The following TMEM248 variants were observed in gnomAD, a reference collection of about 807,000 sequenced individuals.
The protein encoded by TMEM248 is transmembrane protein 248.
A neutral mutation model predicts 30.3 loss-of-function variants in TMEM248; 9 were observed. That is an observed-to-expected ratio of 0.30 (90% confidence interval 0.18 to 0.52). TMEM248 has a LOEUF of 0.52. Ranked by LOEUF, TMEM248 falls within the 20% of genes least tolerant of loss-of-function variation. The probability of loss-of-function intolerance (pLI) is 0.97; values close to 1 mark genes in which losing one functional copy is unlikely to be tolerated. For missense variants in TMEM248, 338 were observed against 403.3 expected (o/e 0.84, Z 1.39); for synonymous variants, 184 against 154.4 (o/e 1.19, Z -1.42).
intron 1 of TMEM248, among the ~76,000 whole-genome samples, chr7:66,933,959 C>A (rs974033118): frequency 6.7e-6 from 1 of 150,072 alleles, no homozygotes; most frequent in Non-Finnish European, 1.5e-5. Context: ...TCTTTTATCT[C>A]TTTTTCTTTT....
At chr7:66,944,091 G>A (rs1792034036) in intron 2 of TMEM248, among the ~76,000 whole-genome samples, 2 of 147,584 alleles carry the variant, frequency 1.4e-5, no homozygotes, top group Admixed American at 1.4e-4. Context: ...TACCGTACCT[G>A]GCCTCAGATG....
At position 66,943,888 on chromosome 7, in the gene TMEM248, C is replaced by G. The variant is rs537844240; in HGVS notation, c.160-1088C>G. On this transcript the variant is annotated intron_variant, in intron 2 of 6. Transcript: ENST00000341567. ...TCTTGGCTCACTTCAGCCTCTGCCC[C>G]CCTTCAAACGATTTTCGTGCCTCAG... Among the ~76,000 whole-genome samples the G allele has an allele frequency of 3.9e-5, 6 of 151,932 alleles. No individual in the cohort carries two copies. In the East Asian group the frequency reaches 9.7e-4, roughly 25 times the overall value.
chr7:66,937,138 A>G (rs1791827314), intron 1 of TMEM248, among the ~76,000 whole-genome samples: 1 of 152,120 alleles, frequency 6.6e-6, no homozygotes, highest in Admixed American at 6.5e-5. Context: ...GTTTCAAGAC[A>G]CTTTTTAATT....
chr7:66,953,019 A>C (rs181547035), intron 5 of TMEM248, among the ~76,000 whole-genome samples: 1 of 152,178 alleles, frequency 6.6e-6, no homozygotes, highest in African/African-American at 2.4e-5. Context: ...GTGCTCTCCA[A>C]CAGAGGCTCG....
intron 1 of TMEM248, among the ~76,000 whole-genome samples, chr7:66,923,349 T>G (rs545982768): frequency 6.6e-6 from 1 of 152,056 alleles, no homozygotes; most frequent in South Asian, 2.1e-4. Context: ...TTTCATGTTG[T>G]TGGCCAGGCC....
chr7:66,955,596 G>T lies in TMEM248; in HGVS notation c.*74G>T. 1 of 1,572,936 alleles carries T rather than the reference G, an allele frequency of 6.4e-7. No homozygotes were observed. On this transcript the variant is annotated 3_prime_UTR_variant, in exon 7 of 7. Coordinates refer to ENST00000341567, the MANE Select transcript of TMEM248 (RefSeq NM_017994.5). Reference sequence around the variant, plus strand: ...TGCCTGCTGAACCCAGCCTGGGCCTGGATGCTCTGTGAATACATTATCTTG... The same window carrying T: ...TGCCTGCTGAACCCAGCCTGGGCCTTGATGCTCTGTGAATACATTATCTTG...
chr7:66,941,803 C>A (rs1297585035), intron 1 of TMEM248, 45 bp from the exon 2 acceptor site: 2 of 1,527,536 alleles, frequency 1.3e-6, no homozygotes, highest in Non-Finnish European at 1.8e-6. Context: ...CATAGCTTTC[C>A]TGTTGGCAAG....
intron 1 of TMEM248, among the ~76,000 whole-genome samples, chr7:66,937,640 C>G (rs1434499779): frequency 6.6e-6 from 1 of 152,188 alleles, no homozygotes; most frequent in Non-Finnish European, 1.5e-5. Flanking sequence ...TCTATTTAGT[C>G]TGATTAAATA....
intron 1 of TMEM248, among the ~76,000 whole-genome samples, chr7:66,939,185 A>G (rs145610689): frequency 7.0e-4 from 106 of 152,352 alleles, no homozygotes; most frequent in African/African-American, 2.5e-3. Context: ...GGGGAAGTGT[A>G]AACTGGTTGA....
chr7:66,953,801 T>A (rs1169990840), intron 6 of TMEM248, among the ~76,000 whole-genome samples: 2 of 152,082 alleles, frequency 1.3e-5, no homozygotes. Flanking sequence ...AGACCGGGTC[T>A]CACCATGTTG....
chr7:66,940,458 T>C (rs926514925), intron 1 of TMEM248, among the ~76,000 whole-genome samples: 2 of 152,232 alleles, frequency 1.3e-5, no homozygotes, highest in African/African-American at 4.8e-5. Flanking sequence ...TGGAAAGGTC[T>C]GCAAGGCTCT....
At chr7:66,945,350 T>G in intron 3 of TMEM248, 89 bp downstream of exon 3, 1 of 1,380,686 alleles carries the variant, frequency 7.2e-7, no homozygotes, top group African/African-American at 1.4e-5. Context: ...CTGACTATAT[T>G]GTACTAGATT....
In TMEM248 at chr7:66,955,814, TC is replaced by T. The variant is rs1792388370; in HGVS notation, c.*294del. The T allele has an allele frequency of 1.5e-5, 6 of 409,462 alleles. No homozygotes were observed. In the East Asian group the frequency reaches 2.5e-4, roughly 17 times the overall value. 25.4% of individuals were successfully genotyped at this position (409,462 alleles called of 1,614,324 possible). A position where few individuals can be genotyped will look rare whatever the true frequency, so the allele number is the denominator to read the frequency against. ...TTTCCACGTGTCTCTAGAGAAGGAT[TC>T]CTGGATCTAGCTGGTCACGACGATG... On this transcript the variant is annotated 3_prime_UTR_variant, in exon 7 of 7. Coordinates refer to ENST00000341567, the MANE Select transcript of TMEM248 (RefSeq NM_017994.5).
rs1267545249 is a variant in TMEM248, at chr7:66,945,110, C to A, written c.294C>A (p.Thr98=). 1 of 1,614,248 alleles carries A rather than the reference C, an allele frequency of 6.2e-7. No homozygotes were observed. Among genetic ancestry groups the A allele is most frequent in the East Asian group, 2.2e-5 (1 of 44,890 alleles). ...CCAGCGGGCAGGCCCGAGCTTCCACCCAGTCCCCCCAGGCCCTGGAGGACT... is the reference window on the plus strand; with the variant it reads ...CCAGCGGGCAGGCCCGAGCTTCCACACAGTCCCCCCAGGCCCTGGAGGACT... The part of the protein sequence containing the change: ...TMTSGQARAS[T]QSPQALEDSG... Residue 98 remains threonine (T), a synonymous_variant, in exon 3 of 7, where the codon ACC becomes ACA. Transcript: ENST00000341567.
At chr7:66,952,140 A>C (rs1792283410) in intron 5 of TMEM248, among the ~76,000 whole-genome samples, 1 of 150,908 alleles carries the variant, frequency 6.6e-6, no homozygotes, top group Non-Finnish European at 1.5e-5. Context: ...CCCAGGCTGG[A>C]GTGCAGTGGC....
At chr7:66,946,652 C>T (rs1009904298) in intron 3 of TMEM248, among the ~76,000 whole-genome samples, 5 of 151,758 alleles carry the variant, frequency 3.3e-5, no homozygotes, top group Non-Finnish European at 5.9e-5. Context: ...CAAAGATAAA[C>T]GTGAGTTAAT....
intron 3 of TMEM248, 43 bp downstream of exon 3, chr7:66,945,304 C>T (rs1279238080): frequency 6.3e-7 from 1 of 1,590,878 alleles, no homozygotes; most frequent in Non-Finnish European, 8.6e-7. Flanking sequence ...TAGGCAACCA[C>T]TGTTACAAAA....
In TMEM248 at chr7:66,950,976, C is replaced by T. The variant is rs757594069; in HGVS notation, c.621C>T (p.Asp207=). The change falls in exon 5 of 7, where the codon GAC becomes GAT. Residue 207 remains aspartate (D), a synonymous_variant. Coordinates refer to ENST00000341567, the MANE Select transcript of TMEM248 (RefSeq NM_017994.5). ...GACAGCCACCGCACTGTGTTCCTGACACGTACAGCAACGCCACGCTCTGGT... is the reference window on the plus strand; with the variant it reads ...GACAGCCACCGCACTGTGTTCCTGATACGTACAGCAACGCCACGCTCTGGT... ...VTVQPPHCVP[D]TYSNATLWYK... 8.1e-6 allele frequency: 13 copies of T among 1,603,628 alleles called. No individual in the cohort carries two copies. The highest frequency in any genetic ancestry group is 8.5e-7 in the Non-Finnish European group (1 of 1,175,616).
At chr7:66,928,559 A>G (rs1026117629) in intron 1 of TMEM248, among the ~76,000 whole-genome samples, 3 of 152,206 alleles carry the variant, frequency 2.0e-5, no homozygotes, top group African/African-American at 7.2e-5. Context: ...ATTAAAAAAT[A>G]TGTTAAGCGC....
Sources: gnomAD v4.1 joint callset for allele counts (sites outside exome capture counted in the v4.1 genomes callset) on GRCh38, gnomAD v4.1.1 for gene constraint, MANE v1.5 for transcripts, NCBI Gene and HGNC (gene_info 2026-07-23, HGNC 2026-07-21) for gene names.